Variants in IMMP2L observed in about 807,000 individuals in gnomAD.
The protein encoded by IMMP2L is inner mitochondrial membrane peptidase subunit 2.
A neutral mutation model predicts 19.3 loss-of-function variants in IMMP2L; 18 were observed. The observed-to-expected ratio is 0.93, with a 90% CI of 0.64 to 1.38. The LOEUF is 1.38. IMMP2L is among the 40% of genes most tolerant of loss of function. IMMP2L has a pLI of 0.00. For synonymous variants in IMMP2L, 76 were observed against 73.0 expected (o/e 1.04, Z -0.21); for missense variants, 233 against 218.2 (o/e 1.07, Z -0.43).
chr7:110,809,117 A>G (rs918771885), intron 5 of IMMP2L, among the ~76,000 whole-genome samples: 10 of 152,054 alleles, frequency 6.6e-5, no homozygotes, highest in African/African-American at 2.4e-4. Flanking sequence ...ATTTTTCTAC[A>G]CTGGCAGAAA....
At chr7:110,707,218 A>G (rs1249630336) in intron 5 of IMMP2L, among the ~76,000 whole-genome samples, 1 of 58,022 alleles carries the variant, frequency 1.7e-5, no homozygotes, top group African/African-American at 6.6e-5. Flanking sequence ...ATGTGATCTC[A>G]TTGTTCAATT....
At chr7:111,555,763 T>C (rs1044722013) in intron 1 of IMMP2L, among the ~76,000 whole-genome samples, 2 of 151,828 alleles carry the variant, frequency 1.3e-5, no homozygotes, top group Admixed American at 6.6e-5. Context: ...TTCCATTCTA[T>C]ATATGTACTG....
At chr7:110,994,012 T>A (rs2129560043) in intron 3 of IMMP2L, among the ~76,000 whole-genome samples, 1 of 151,622 alleles carries the variant, frequency 6.6e-6, no homozygotes, top group East Asian at 1.9e-4. Context: ...TTCTCTTACT[T>A]GGAAAAAAAA....
chr7:111,187,117 A>G (rs769130), intron 3 of IMMP2L, among the ~76,000 whole-genome samples: 123,709 of 152,038 alleles, frequency 0.81, 50,803 homozygotes, highest in East Asian at 0.87. Context: ...TAATGTTGTC[A>G]AGGACAACTG....
intron 3 of IMMP2L, among the ~76,000 whole-genome samples, chr7:111,203,383 A>C (rs1266460041): frequency 6.6e-6 from 1 of 152,144 alleles, no homozygotes; most frequent in Non-Finnish European, 1.5e-5. Context: ...AGAAAAATAT[A>C]TAGTATGTCA....
At position 111,408,389 on chromosome 7, in the gene IMMP2L, A is replaced by G. The variant is rs1375872959; in HGVS notation, c.239+78849T>C. Among the ~76,000 whole-genome samples, 4 of 151,810 alleles carry G rather than the reference A, an allele frequency of 2.6e-5. No individual in the cohort carries two copies. In the South Asian group the frequency reaches 8.3e-4, roughly 31 times the overall value. On this transcript the variant is annotated intron_variant, in intron 3 of 5. Coordinates refer to ENST00000405709, the MANE Select transcript of IMMP2L (RefSeq NM_032549.4). ...TCATGATCTAATCTACTGAATCACT[A>G]TGTTCATACAGACACAGAAATATCA...
At chr7:110,979,925 T>A (rs1441778526) in intron 3 of IMMP2L, among the ~76,000 whole-genome samples, 2 of 152,162 alleles carry the variant, frequency 1.3e-5, no homozygotes, top group South Asian at 4.1e-4. Flanking sequence ...ATTTATGGTA[T>A]GTGAATTACA....
intron 3 of IMMP2L, among the ~76,000 whole-genome samples, chr7:111,014,303 C>T (rs560939760): frequency 6.6e-6 from 1 of 151,642 alleles, no homozygotes; most frequent in East Asian, 1.9e-4. Context: ...TGCAGTGAGC[C>T]GAGATTGCAT....
At chr7:111,036,861 A>G (rs1791406353) in intron 3 of IMMP2L, among the ~76,000 whole-genome samples, 1 of 152,238 alleles carries the variant, frequency 6.6e-6, no homozygotes. Context: ...CATTAAGATT[A>G]TACATTTATT....
intron 5 of IMMP2L, among the ~76,000 whole-genome samples, chr7:110,703,156 G>C (rs968686131): frequency 7.2e-5 from 11 of 152,046 alleles, no homozygotes; most frequent in Non-Finnish European, 1.5e-5. Flanking sequence ...AATAGATATT[G>C]AGTTTTTTCA....
At chr7:111,184,544 C>G (rs963969616) in intron 3 of IMMP2L, among the ~76,000 whole-genome samples, 7 of 152,090 alleles carry the variant, frequency 4.6e-5, no homozygotes, top group African/African-American at 4.8e-5. Flanking sequence ...TCTGGTCTCA[C>G]TACTACTTAG....
In IMMP2L at chr7:110,775,209, A is replaced by G. The variant is rs1056821848; in HGVS notation, c.408+111384T>C. The stretch of plus-strand genomic sequence containing the variant: ...TGCCTGTTTTCTTTTACTTTTCTGC[A>G]TTTTCCAAATATTTTACGAGTGCAT... On this transcript the variant is annotated intron_variant, in intron 5 of 5. Coordinates refer to ENST00000405709, the MANE Select transcript of IMMP2L (RefSeq NM_032549.4). Among the ~76,000 whole-genome samples, 7 of 149,772 alleles carry G rather than the reference A, an allele frequency of 4.7e-5. No individual in the cohort carries two copies. In the South Asian group the frequency reaches 1.0e-3, roughly 22 times the overall value.
chr7:111,417,077 A>G (rs957507309), intron 3 of IMMP2L, among the ~76,000 whole-genome samples: 1 of 151,788 alleles, frequency 6.6e-6, no homozygotes, highest in Non-Finnish European at 1.5e-5. Flanking sequence ...CATATTAGGT[A>G]GCACAGATAT....
intron 5 of IMMP2L, chr7:110,664,697 G>C (rs1291546885): frequency 6.6e-6 from 1 of 152,086 alleles, no homozygotes; most frequent in Non-Finnish European, 1.5e-5. Context: ...TAAAAAAATT[G>C]TTGTTGTTAT....
chr7:110,679,097 C>A (rs1438123613), intron 5 of IMMP2L, among the ~76,000 whole-genome samples: 1 of 152,106 alleles, frequency 6.6e-6, no homozygotes, highest in Non-Finnish European at 1.5e-5. Context: ...CAGAATCATG[C>A]ATAATCATTC....
chr7:111,347,072 G>A (rs949929671), intron 3 of IMMP2L, among the ~76,000 whole-genome samples: 1 of 152,086 alleles, frequency 6.6e-6, no homozygotes, highest in South Asian at 2.1e-4. Flanking sequence ...GTGGGAAAAG[G>A]CAGTCTAGAA....
At chr7:110,913,332 A>G (rs1376548051) in intron 4 of IMMP2L, among the ~76,000 whole-genome samples, 1 of 152,134 alleles carries the variant, frequency 6.6e-6, no homozygotes, top group African/African-American at 2.4e-5. Context: ...AATGCCAAGG[A>G]GCTAAATGTG....
At chr7:111,061,846 G>T (rs150106658) in intron 3 of IMMP2L, among the ~76,000 whole-genome samples, 144 of 152,228 alleles carry the variant, frequency 9.5e-4, no homozygotes, top group Non-Finnish European at 1.9e-3. Flanking sequence ...TAAAATCTAT[G>T]TTCTTCTTCT....
chr7:111,249,510 G>T (rs745622362), intron 3 of IMMP2L, among the ~76,000 whole-genome samples: 1 of 151,866 alleles, frequency 6.6e-6, no homozygotes, highest in African/African-American at 2.4e-5. Flanking sequence ...GCTGTAGACC[G>T]GAGCTGTTCC....
Sources: gnomAD v4.1 joint callset for allele counts (sites outside exome capture counted in the v4.1 genomes callset) on GRCh38, gnomAD v4.1.1 for gene constraint, MANE v1.5 for transcripts, NCBI Gene and HGNC (gene_info 2026-07-23, HGNC 2026-07-21) for gene names.